The following AKAP10 variants were observed in gnomAD, a reference collection of about 807,000 sequenced individuals.
AKAP10 encodes the protein A-kinase anchoring protein 10.
Under a neutral mutation model 80.8 loss-of-function variants are expected in AKAP10, and 24 were observed. That is an observed-to-expected ratio of 0.30 (90% confidence interval 0.22 to 0.42). AKAP10 has a LOEUF of 0.42. Among genes scored for constraint, AKAP10 ranks in the 10% least tolerant of loss-of-function variants. The pLI, the probability that AKAP10 is intolerant of heterozygous loss-of-function variation, is 1.00. For missense variants in AKAP10, 661 were observed against 794.9 expected (o/e 0.83, Z 2.03); for synonymous variants, 291 against 277.7 (o/e 1.05, Z -0.48).
intron 4 of AKAP10, among the ~76,000 whole-genome samples, chr17:19,952,635 T>G (rs1333977166): frequency 2.0e-5 from 3 of 152,124 alleles, no homozygotes. Flanking sequence ...AGTGTCTATA[T>G]AAATTGGACA....
intron 4 of AKAP10, among the ~76,000 whole-genome samples, chr17:19,950,120 T>C (rs1255063987): frequency 5.3e-5 from 8 of 152,120 alleles, no homozygotes; most frequent in Non-Finnish European, 1.2e-4. Flanking sequence ...CTGGCCAATA[T>C]GGTGAAACCC....
At chr17:19,946,157 CTAATATA>C (rs1470716540) in intron 5 of AKAP10, among the ~76,000 whole-genome samples, 1 of 94,248 alleles carries the variant, frequency 1.1e-5, no homozygotes. Context: ...AGTATATATA[CTAATATA>C]TAATATATAC....
At chr17:19,963,417 A>G (rs1411978414) in intron 2 of AKAP10, among the ~76,000 whole-genome samples, 1 of 152,108 alleles carries the variant, frequency 6.6e-6, no homozygotes, top group African/African-American at 2.4e-5. Context: ...TTCTCAAAAT[A>G]CTGTGCCAAA....
intron 4 of AKAP10, among the ~76,000 whole-genome samples, chr17:19,955,161 G>A (rs2043259844): frequency 6.6e-6 from 1 of 151,942 alleles, no homozygotes; most frequent in African/African-American, 2.4e-5. Flanking sequence ...GGCGGAGGTT[G>A]CAGTGAGCCG....
At chr17:19,943,896 T>C (rs2043075979) in intron 5 of AKAP10, among the ~76,000 whole-genome samples, 1 of 152,042 alleles carries the variant, frequency 6.6e-6, no homozygotes, top group Admixed American at 6.5e-5. Flanking sequence ...TGAACAATCA[T>C]CTGCAGAATT....
chr17:19,941,987 G>A, intron 5 of AKAP10, 77 bp from the exon 6 acceptor site: 2 of 1,250,750 alleles, frequency 1.6e-6, no homozygotes, highest in East Asian at 2.6e-5. Flanking sequence ...CAACTTGGGA[G>A]TTAACAGCAC....
chr17:19,942,417 TTAA>T (rs1333239317), intron 5 of AKAP10, among the ~76,000 whole-genome samples: 30 of 152,122 alleles, frequency 2.0e-4, no homozygotes, highest in Non-Finnish European at 5.9e-5. Context: ...AACATTGTTT[TTAA>T]TAATATGTAT....
chr17:19,968,491 C>T, intron 1 of AKAP10, 30 bp from the exon 2 acceptor site: 1 of 1,582,846 alleles, frequency 6.3e-7, no homozygotes, highest in Non-Finnish European at 8.7e-7. Flanking sequence ...TTATGACCAA[C>T]TTTTGCAGTC....
chr17:19,930,939 G>A (rs189345474), intron 10 of AKAP10, among the ~76,000 whole-genome samples: 3 of 152,124 alleles, frequency 2.0e-5, no homozygotes, highest in Non-Finnish European at 2.9e-5. Flanking sequence ...TCCATCTCCC[G>A]ACCTCGTGAT....
intron 1 of AKAP10, among the ~76,000 whole-genome samples, chr17:19,970,148 T>C (rs927378952): frequency 6.6e-6 from 1 of 152,214 alleles, no homozygotes; most frequent in Non-Finnish European, 1.5e-5. Context: ...AAAGGGAACA[T>C]GTCATCTTCT....
At chr17:19,927,547 C>T (rs1390416246) in intron 10 of AKAP10, among the ~76,000 whole-genome samples, 2 of 152,160 alleles carry the variant, frequency 1.3e-5, no homozygotes, top group African/African-American at 4.8e-5. Context: ...GCCTGTACTC[C>T]CCACACTTTG....
chr17:19,963,126 T>C (rs369190492), intron 2 of AKAP10, 104 bp from the exon 3 acceptor site: 63 of 995,584 alleles, frequency 6.3e-5, no homozygotes, highest in Non-Finnish European at 8.9e-5. Context: ...TTTGTAACAT[T>C]ACTCTTAAGT....
At chr17:19,921,352 G>A (rs996433307) in intron 11 of AKAP10, among the ~76,000 whole-genome samples, 10 of 151,906 alleles carry the variant, frequency 6.6e-5, no homozygotes, top group African/African-American at 2.4e-4. Flanking sequence ...TTTTAGTAGA[G>A]ACAGGGTTTC....
chr17:19,937,241 C>T lies in AKAP10; in HGVS notation c.1323-811G>A, dbSNP rs541720497. On this transcript the variant is annotated intron_variant, in intron 8 of 14. Transcript: ENST00000225737. The stretch of plus-strand genomic sequence containing the variant: ...AGCAGGCTGGGCACAGTGGCTCACG[C>T]CTATAATCCCAGCACTTTGGGAGGC... Among the ~76,000 whole-genome samples the T allele has an allele frequency of 1.3e-4, 20 of 152,320 alleles. 1 individual carries two copies. The highest frequency in any genetic ancestry group is 4.1e-4 in the African/African-American group (17 of 41,568).
At chr17:19,943,198 T>C (rs1412346447) in intron 5 of AKAP10, among the ~76,000 whole-genome samples, 1 of 152,114 alleles carries the variant, frequency 6.6e-6, no homozygotes, top group Non-Finnish European at 1.5e-5. Context: ...CTTTAGCCAG[T>C]TTCTTAGCAT....
intron 12 of AKAP10, among the ~76,000 whole-genome samples, chr17:19,918,224 CA>C (rs559332326): frequency 2.6e-3 from 225 of 86,036 alleles, no homozygotes; most frequent in East Asian, 6.7e-3. Flanking sequence ...CCGTCTCAAA[CA>C]AAAAAAAAAA....
At chr17:19,935,009 C>CTCAA (rs369344588) in intron 9 of AKAP10, among the ~76,000 whole-genome samples, 2,925 of 151,818 alleles carry the variant, frequency 0.019, 39 homozygotes, top group Admixed American at 0.034. Context: ...GAAACTCTGT[C>CTCAA]TCAATCAATC....
At chr17:19,972,117 A>G (rs1359622829) in intron 1 of AKAP10, among the ~76,000 whole-genome samples, 1 of 152,236 alleles carries the variant, frequency 6.6e-6, no homozygotes, top group African/African-American at 2.4e-5. Context: ...TAAATAAAAA[A>G]CAAATTATGT....
chr17:19,915,559 A>G (rs1483712770), intron 12 of AKAP10, among the ~76,000 whole-genome samples: 1 of 152,250 alleles, frequency 6.6e-6, no homozygotes, highest in East Asian at 1.9e-4. Flanking sequence ...CTGGACAACT[A>G]AAAGAAGAAC....
Sources: allele counts gnomAD v4.1 joint callset (sites outside exome capture counted in the v4.1 genomes callset), GRCh38; gene constraint gnomAD v4.1.1; transcripts MANE v1.5; gene names NCBI Gene and HGNC (gene_info 2026-07-23, HGNC 2026-07-21).